The following CMTM8 variants were observed in gnomAD, a reference collection of about 807,000 sequenced individuals.
CMTM8 encodes the protein CKLF-like MARVEL transmembrane domain-containing protein 8.
A neutral mutation model predicts 18.6 loss-of-function variants in CMTM8; 12 were observed. The ratio of observed to expected loss-of-function variants is 0.65; its 90% CI spans 0.41 to 1.05. The LOEUF is 1.05. Among genes scored for constraint, CMTM8 ranks in the 50% least tolerant of loss-of-function variants. The pLI, the probability that CMTM8 is intolerant of heterozygous loss-of-function variation, is 0.00. For missense variants in CMTM8, 217 were observed against 227.2 expected (o/e 0.95, Z 0.29); for synonymous variants, 87 against 90.6 (o/e 0.96, Z 0.23).
At chr3:32,288,693 C>A (rs566202785) in intron 1 of CMTM8, among the ~76,000 whole-genome samples, 8 of 152,074 alleles carry the variant, frequency 5.3e-5, no homozygotes, top group Admixed American at 1.3e-4. Flanking sequence ...GTAGAGACGG[C>A]ATTTCACCAT....
chr3:32,309,804 G>A (rs1207455946), intron 1 of CMTM8, among the ~76,000 whole-genome samples: 1 of 152,162 alleles, frequency 6.6e-6, no homozygotes, highest in African/African-American at 2.4e-5. Flanking sequence ...TGTGCTCTTG[G>A]GGTTTATGAT....
chr3:32,259,404 A>C, intron 1 of CMTM8: 1 of 866,308 alleles, frequency 1.2e-6, no homozygotes. Flanking sequence ...CAGATTGACA[A>C]TGCCTGTCTT....
intron 1 of CMTM8, among the ~76,000 whole-genome samples, chr3:32,242,951 A>G (rs1399241563): frequency 6.6e-6 from 1 of 151,660 alleles, no homozygotes; most frequent in African/African-American, 2.4e-5. Flanking sequence ...GAATTGCAGT[A>G]GTGCAATCCC....
intron 1 of CMTM8, among the ~76,000 whole-genome samples, chr3:32,327,392 C>T (rs1023074475): frequency 1.3e-5 from 2 of 152,170 alleles, no homozygotes; most frequent in African/African-American, 4.8e-5. Flanking sequence ...ATTAGAAAGG[C>T]AATATTGATG....
chr3:32,348,695 T>G (rs1696648935), intron 1 of CMTM8, among the ~76,000 whole-genome samples: 1 of 151,748 alleles, frequency 6.6e-6, no homozygotes, highest in Admixed American at 6.6e-5. Context: ...GAGATGGGGT[T>G]TTGCCATGTT....
intron 1 of CMTM8, among the ~76,000 whole-genome samples, chr3:32,301,265 C>T (rs566752163): frequency 6.6e-6 from 1 of 152,122 alleles, no homozygotes; most frequent in East Asian, 1.9e-4. Context: ...CTTTGTCATT[C>T]TGCTTAAGTT....
At chr3:32,271,835 A>T (rs1702443321) in intron 1 of CMTM8, among the ~76,000 whole-genome samples, 3 of 152,344 alleles carry the variant, frequency 2.0e-5, no homozygotes, top group African/African-American at 7.2e-5. Context: ...TCCTAAACAA[A>T]TACAAAGACC....
chr3:32,325,505 TGTTTCTGTAA>T, intron 1 of CMTM8, among the ~76,000 whole-genome samples: 1 of 152,250 alleles, frequency 6.6e-6, no homozygotes, highest in Admixed American at 6.5e-5. Flanking sequence ...TAACAACTCT[TGTTTCTGTAA>T]GCCTGGACTT....
intron 1 of CMTM8, among the ~76,000 whole-genome samples, chr3:32,268,910 G>T (rs9827816): frequency 0.68 from 103,459 of 152,064 alleles, 36,998 homozygotes; most frequent in South Asian, 0.81. Context: ...GCCGCTTTCT[G>T]GGGGGAAAAT....
At chr3:32,259,514 A>G (rs1702225028) in intron 1 of CMTM8, 1 of 781,260 alleles carries the variant, frequency 1.3e-6, no homozygotes, top group South Asian at 1.3e-5. Context: ...TGATGACACC[A>G]ATGTCACTCG....
At chr3:32,289,034 G>A (rs960366281) in intron 1 of CMTM8, among the ~76,000 whole-genome samples, 2 of 152,152 alleles carry the variant, frequency 1.3e-5, no homozygotes, top group African/African-American at 4.8e-5. Context: ...AAAATCAGCT[G>A]CATACAGGGG....
intron 1 of CMTM8, among the ~76,000 whole-genome samples, chr3:32,307,638 G>A (rs944007615): frequency 6.6e-6 from 1 of 152,126 alleles, no homozygotes; most frequent in Non-Finnish European, 1.5e-5. Context: ...TGAAGATGTG[G>A]GAATTTCCAG....
intron 1 of CMTM8, among the ~76,000 whole-genome samples, chr3:32,247,444 C>G (rs998640765): frequency 1.3e-5 from 2 of 152,122 alleles, no homozygotes; most frequent in African/African-American, 4.8e-5. Flanking sequence ...TCCTGAGTAG[C>G]TGGGATTACA....
At chr3:32,348,964 T>G (rs76850872) in intron 1 of CMTM8, among the ~76,000 whole-genome samples, 5,022 of 152,266 alleles carry the variant, frequency 0.033, 262 homozygotes, top group African/African-American at 0.12. Flanking sequence ...ATTCCATTTT[T>G]AATTTAAAAA....
At chr3:32,317,829 G>A (rs1227020902) in intron 1 of CMTM8, among the ~76,000 whole-genome samples, 6 of 152,184 alleles carry the variant, frequency 3.9e-5, no homozygotes, top group East Asian at 3.9e-4. Flanking sequence ...GCAGAGGCGC[G>A]CAGATCATGA....
At chr3:32,333,870 A>G (rs1696330234) in intron 1 of CMTM8, among the ~76,000 whole-genome samples, 1 of 152,216 alleles carries the variant, frequency 6.6e-6, no homozygotes, top group African/African-American at 2.4e-5. Context: ...GCTTTGGTCA[A>G]TAATAATGTG....
At chr3:32,369,857 A>G in intron 3 of CMTM8, 27 bp from the exon 4 acceptor site, 1 of 1,520,790 alleles carries the variant, frequency 6.6e-7, no homozygotes, top group Non-Finnish European at 9.1e-7. Context: ...CCTAAACCCC[A>G]CTTCTATTAT....
At chr3:32,324,343 C>T (rs2125579502) in intron 1 of CMTM8, among the ~76,000 whole-genome samples, 1 of 152,212 alleles carries the variant, frequency 6.6e-6, no homozygotes, top group East Asian at 1.9e-4. Context: ...AAAATGCTTT[C>T]AAGTTATTCC....
intron 1 of CMTM8, among the ~76,000 whole-genome samples, chr3:32,352,653 A>G (rs1488923072): frequency 6.6e-6 from 1 of 152,246 alleles, no homozygotes; most frequent in Non-Finnish European, 1.5e-5. Context: ...AAACTAATCT[A>G]GGATGATAGA....
Sources: allele counts gnomAD v4.1 joint callset (sites outside exome capture counted in the v4.1 genomes callset), GRCh38; gene constraint gnomAD v4.1.1; transcripts MANE v1.5; gene names NCBI Gene and HGNC (gene_info 2026-07-23, HGNC 2026-07-21).